The following PCDHA1 variants were observed in gnomAD, a reference collection of about 807,000 sequenced individuals.
PCDHA1 encodes protocadherin alpha-1.
PCDHA1 carries 42 observed loss-of-function variants against 61.3 expected under a neutral mutation model. That is an observed-to-expected ratio of 0.69 (90% confidence interval 0.54 to 0.89). The LOEUF (loss-of-function observed/expected upper bound fraction) is 0.89. Among genes scored for constraint, PCDHA1 ranks in the 40% least tolerant of loss-of-function variants. The pLI, the probability that PCDHA1 is intolerant of heterozygous loss-of-function variation, is 0.00. For missense variants in PCDHA1, 1,256 were observed against 1,235.3 expected, an observed-to-expected ratio of 1.02 and a Z score of -0.25; for synonymous variants, 610 against 553.8, an observed-to-expected ratio of 1.10 and a Z score of -1.43.
At chr5:140,935,598 G>A (rs540310470) in intron 1 of PCDHA1, among the ~76,000 whole-genome samples, 5 of 152,148 alleles carry the variant, frequency 3.3e-5, no homozygotes, top group Admixed American at 6.5e-5. Context: ...TAGATACAGA[G>A]CTAGGCTTTT....
chr5:140,800,914 A>T (rs1244602507), intron 1 of PCDHA1: 4 of 577,604 alleles, frequency 6.9e-6, no homozygotes, highest in Non-Finnish European at 1.0e-5. Context: ...AGGATATTAC[A>T]ATTGAAACTA....
chr5:140,808,435 G>T, intron 1 of PCDHA1: 1 of 1,614,194 alleles, frequency 6.2e-7, no homozygotes, highest in Non-Finnish European at 8.5e-7. Flanking sequence ...TGGACCGCGA[G>T]AGCGTGTCAG....
chr5:140,966,599 C>T, intron 1 of PCDHA1: 1 of 631,096 alleles, frequency 1.6e-6, no homozygotes, highest in Non-Finnish European at 2.4e-6. Context: ...GGCCAGGAGC[C>T]CTTGGGAGGG....
chr5:140,954,360 A>G (rs1203050549), intron 1 of PCDHA1, among the ~76,000 whole-genome samples: 2 of 152,212 alleles, frequency 1.3e-5, no homozygotes, highest in African/African-American at 4.8e-5. Flanking sequence ...GAATCGCCAC[A>G]CAGTCTCCCA....
chr5:140,953,837 C>T (rs1585533226), intron 1 of PCDHA1, among the ~76,000 whole-genome samples: 1 of 151,614 alleles, frequency 6.6e-6, no homozygotes, highest in African/African-American at 2.4e-5. Flanking sequence ...GGTTTGTTAC[C>T]CAGGTAAACA....
At chr5:140,883,688 A>G (rs782730096) in intron 1 of PCDHA1, 2 of 1,613,792 alleles carry the variant, frequency 1.2e-6, no homozygotes, top group Middle Eastern at 1.7e-4. Flanking sequence ...GGGCTGCCAC[A>G]TCTTCACGGT....
At chr5:140,810,225 T>A in intron 1 of PCDHA1, 1 of 152,260 alleles carries the variant, frequency 6.6e-6, no homozygotes, top group East Asian at 1.9e-4. Context: ...ATACTATACC[T>A]TATTTATTCT....
At chr5:140,894,035 T>C (rs1554185902) in intron 1 of PCDHA1, among the ~76,000 whole-genome samples, 1 of 152,220 alleles carries the variant, frequency 6.6e-6, no homozygotes, top group Non-Finnish European at 1.5e-5. Context: ...ATACTGGTAA[T>C]GTAAGTCCTC....
At chr5:140,807,035 G>A in intron 1 of PCDHA1, 2 of 938,898 alleles carry the variant, frequency 2.1e-6, no homozygotes, top group Non-Finnish European at 3.2e-6. Context: ...GAGGAAGAAG[G>A]GAAAATTCCT....
chr5:140,856,648 T>G (rs2044130273), intron 1 of PCDHA1: 1 of 1,598,174 alleles, frequency 6.3e-7, no homozygotes, highest in African/African-American at 1.3e-5. Flanking sequence ...AGCTGCTGGA[T>G]CGTGAAGAAA....
At chr5:140,955,458 T>C (rs246018) in intron 1 of PCDHA1, among the ~76,000 whole-genome samples, 85,567 of 151,850 alleles carry the variant, frequency 0.56, 24,724 homozygotes, top group African/African-American at 0.69. Flanking sequence ...AAGGGCTTTT[T>C]CCTTTTTGCT....
intron 1 of PCDHA1, among the ~76,000 whole-genome samples, chr5:140,952,671 A>C (rs1429468287): frequency 6.6e-6 from 1 of 152,176 alleles, no homozygotes; most frequent in Admixed American, 6.5e-5. Context: ...AGTCACTTTC[A>C]CATTTTCAGG....
chr5:140,853,625 A>G (rs1195027874), intron 1 of PCDHA1: 1 of 988,416 alleles, frequency 1.0e-6, no homozygotes, highest in African/African-American at 1.8e-5. Context: ...ATAAGTATAC[A>G]AGATCACAGA....
chr5:140,966,539 T>TCGGAGGCGAG (rs2096018089), intron 1 of PCDHA1: 1 of 462,064 alleles, frequency 2.2e-6, no homozygotes, highest in Non-Finnish European at 3.7e-6. Flanking sequence ...GTTGAGCGAC[T>TCGGAGGCGAG]CGGAGGCGAG....
intron 1 of PCDHA1, among the ~76,000 whole-genome samples, chr5:140,933,323 T>C (rs935740276): frequency 6.6e-6 from 1 of 152,016 alleles, no homozygotes; most frequent in Admixed American, 6.6e-5. Flanking sequence ...CGTATTCTCC[T>C]GTGCTGTAGA....
chr5:140,807,082 G>A (rs1763843057), intron 1 of PCDHA1: 16 of 1,269,970 alleles, frequency 1.3e-5, no homozygotes, highest in Non-Finnish European at 1.4e-5. Flanking sequence ...ACACTCTTTG[G>A]AGTCTGAAAT....
rs2150358522 is a variant in PCDHA1 at position 140,843,370 on chromosome 5, G to C, written c.2394+54686G>C. 44 of 1,595,972 alleles carry C rather than the reference G, an allele frequency of 2.8e-5. 4 individuals carry two copies. The highest frequency in any genetic ancestry group is 3.5e-5 in the Non-Finnish European group (41 of 1,165,612). ...CTCCAAAAGCGTCATCGAGGCAGTC[G>C]GCTGGCGTTTTGGGTCCGGAAGCGG... On this transcript the variant is annotated intron_variant, in intron 1 of 3. Transcript: ENST00000504120.
At chr5:140,904,642 C>G (rs1257685945) in intron 1 of PCDHA1, among the ~76,000 whole-genome samples, 2 of 152,132 alleles carry the variant, frequency 1.3e-5, no homozygotes, top group Non-Finnish European at 2.9e-5. Context: ...AATCTCCACA[C>G]TGTTTTCCAT....
chr5:141,006,069 C>T (rs1588119997), intron 3 of PCDHA1, among the ~76,000 whole-genome samples: 1 of 148,482 alleles, frequency 6.7e-6, no homozygotes, highest in African/African-American at 2.5e-5. Flanking sequence ...AAATAAAAAT[C>T]AGATTATTGA....
Sources: gnomAD v4.1 joint callset for allele counts (sites outside exome capture counted in the v4.1 genomes callset) on GRCh38, gnomAD v4.1.1 for gene constraint, MANE v1.5 for transcripts, NCBI Gene and HGNC (gene_info 2026-07-23, HGNC 2026-07-21) for gene names.